NELL1: variants seen among roughly 807,000 people sequenced by gnomAD.
NELL1 encodes the protein neural EGFL like 1.
In NELL1, 76 loss-of-function variants were observed where a neutral mutation model predicts 107.4. The ratio of observed to expected loss-of-function variants is 0.71; its 90% CI spans 0.59 to 0.86. The LOEUF (loss-of-function observed/expected upper bound fraction) is 0.86, where lower values mean the gene tolerates loss of function less well. NELL1 is among the 40% of genes least tolerant of loss of function. NELL1 has a pLI of 0.00. For missense variants in NELL1, 1,024 were observed against 1,005.5 expected (o/e 1.02, Z -0.25); for synonymous variants, 353 against 341.2 (o/e 1.03, Z -0.38).
intron 15 of NELL1, among the ~76,000 whole-genome samples, chr11:21,392,956 C>A (rs1463073475): frequency 1.3e-5 from 2 of 150,182 alleles, no homozygotes; most frequent in Admixed American, 6.7e-5. Flanking sequence ...GAAATTGGGA[C>A]TATAAACTGC....
intron 15 of NELL1, among the ~76,000 whole-genome samples, chr11:21,477,285 A>T (rs1214704851): frequency 6.6e-6 from 1 of 152,162 alleles, no homozygotes; most frequent in Non-Finnish European, 1.5e-5. Context: ...AAGATAGGGC[A>T]CCAAGCAGAG....
intron 2 of NELL1, among the ~76,000 whole-genome samples, chr11:20,681,854 C>T (rs1209035479): frequency 6.6e-6 from 1 of 152,036 alleles, no homozygotes; most frequent in African/African-American, 2.4e-5. Flanking sequence ...CTCATGGCTG[C>T]ATCAGTCCAA....
intron 15 of NELL1, among the ~76,000 whole-genome samples, chr11:21,385,528 T>C (rs915905558): frequency 2.6e-5 from 4 of 151,840 alleles, no homozygotes; most frequent in Admixed American, 6.6e-5. Flanking sequence ...ATCTTTTTTT[T>C]CCCCTCCATC....
chr11:21,247,217 T>C (rs947915926), intron 14 of NELL1, among the ~76,000 whole-genome samples: 10 of 152,186 alleles, frequency 6.6e-5, no homozygotes, highest in African/African-American at 1.4e-4. Context: ...ATATACACTG[T>C]ACACTTTGGC....
intron 12 of NELL1, among the ~76,000 whole-genome samples, chr11:21,038,447 A>C (rs1253699715): frequency 6.6e-6 from 1 of 152,232 alleles, no homozygotes; most frequent in African/African-American, 2.4e-5. Flanking sequence ...ACTATATGAT[A>C]CAGAAACAGA....
intron 2 of NELL1, among the ~76,000 whole-genome samples, chr11:20,744,530 C>T (rs1855961606): frequency 6.6e-6 from 1 of 152,162 alleles, no homozygotes. Flanking sequence ...ACTGGGAGTT[C>T]AGCTTTAAGT....
At chr11:21,048,510 C>G (rs1853411413) in intron 12 of NELL1, among the ~76,000 whole-genome samples, 1 of 152,114 alleles carries the variant, frequency 6.6e-6, no homozygotes, top group Non-Finnish European at 1.5e-5. Context: ...GATAATGTAA[C>G]CATGTTCCCT....
intron 2 of NELL1, among the ~76,000 whole-genome samples, chr11:20,700,305 C>T (rs1000521707): frequency 6.6e-6 from 1 of 151,808 alleles, no homozygotes; most frequent in South Asian, 2.1e-4. Flanking sequence ...ATAGTGAAAC[C>T]CCGTCTCTAC....
chr11:21,438,093 T>C (rs1853175484), intron 15 of NELL1, among the ~76,000 whole-genome samples: 1 of 152,230 alleles, frequency 6.6e-6, no homozygotes. Context: ...GTGTGATTTA[T>C]GACGGAAAAT....
chr11:21,239,745 C>T (rs932389729), intron 14 of NELL1, among the ~76,000 whole-genome samples: 1 of 151,980 alleles, frequency 6.6e-6, no homozygotes, highest in Non-Finnish European at 1.5e-5. Context: ...ATCACAGTCC[C>T]ACATCTATCT....
At chr11:21,277,534 C>T (rs1287570081) in intron 14 of NELL1, among the ~76,000 whole-genome samples, 3 of 152,002 alleles carry the variant, frequency 2.0e-5, no homozygotes, top group African/African-American at 7.3e-5. Context: ...TTTGACCCAG[C>T]CATCCCATTA....
rs571544730 is a variant in NELL1 at position 20,701,132 on chromosome 11, A to G, written c.184+23072A>G. Among the ~76,000 whole-genome samples, 122 of 152,308 alleles carry G rather than the reference A, an allele frequency of 8.0e-4. 2 individuals carry two copies. Among genetic ancestry groups the G allele is most frequent in the Admixed American group, 3.9e-3 (60 of 15,300 alleles). Reference sequence around the variant, plus strand: ...TAGTTTACAGCCCCACCAACAGTGTAAAAGTGTTCCTATTTCTCCACATCC... The same window carrying G: ...TAGTTTACAGCCCCACCAACAGTGTGAAAGTGTTCCTATTTCTCCACATCC... On this transcript the variant is annotated intron_variant, in intron 2 of 19. Coordinates refer to ENST00000357134, the MANE Select transcript of NELL1 (RefSeq NM_006157.5).
At chr11:21,168,735 G>GT (rs961142179) in intron 13 of NELL1, among the ~76,000 whole-genome samples, 6 of 151,710 alleles carry the variant, frequency 4.0e-5, no homozygotes, top group African/African-American at 9.7e-5. Flanking sequence ...AAGCTCATAA[G>GT]TTTTTTTTCC....
chr11:21,474,322 C>T (rs1162641363), intron 15 of NELL1, among the ~76,000 whole-genome samples: 1 of 151,910 alleles, frequency 6.6e-6, no homozygotes, highest in Middle Eastern at 3.2e-3. Context: ...TCAGAGAGCC[C>T]TTCCCTTATT....
intron 15 of NELL1, among the ~76,000 whole-genome samples, chr11:21,381,296 A>G (rs1228722658): frequency 4.6e-5 from 7 of 151,978 alleles, no homozygotes; most frequent in Admixed American, 4.6e-4. Context: ...AGAGTAAACA[A>G]AAAAGGGGTG....
chr11:21,271,175 A>G (rs149258902), intron 14 of NELL1, among the ~76,000 whole-genome samples: 47 of 152,202 alleles, frequency 3.1e-4, no homozygotes, highest in African/African-American at 1.1e-3. Flanking sequence ...AAAACAGGAA[A>G]TCAATAGAGA....
intron 10 of NELL1, among the ~76,000 whole-genome samples, chr11:20,945,510 G>A (rs1489342963): frequency 2.0e-5 from 3 of 152,156 alleles, no homozygotes; most frequent in Non-Finnish European, 4.4e-5. Flanking sequence ...AAACCTAGAG[G>A]TGCGCACATA....
At chr11:21,092,943 A>G (rs753744923) in intron 12 of NELL1, among the ~76,000 whole-genome samples, 2 of 152,040 alleles carry the variant, frequency 1.3e-5, no homozygotes, top group Non-Finnish European at 2.9e-5. Flanking sequence ...ATTCTCTTCT[A>G]GGTGGTCTGG....
At chr11:20,915,719 T>TATATATATA (rs1332292027) in intron 5 of NELL1, among the ~76,000 whole-genome samples, 14 of 24,304 alleles carry the variant, frequency 5.8e-4, no homozygotes, top group Admixed American at 1.2e-3. Flanking sequence ...ATATATATAT[T>TATATATATA]TTTTTTTTTT....
Sources: gnomAD v4.1 joint callset for allele counts (sites outside exome capture counted in the v4.1 genomes callset) on GRCh38, gnomAD v4.1.1 for gene constraint, MANE v1.5 for transcripts, NCBI Gene and HGNC (gene_info 2026-07-23, HGNC 2026-07-21) for gene names.